The following ABCG1 variants were observed in gnomAD, a reference collection of about 807,000 sequenced individuals.
The protein encoded by ABCG1 is ATP-binding cassette sub-family G member 1.
ABCG1 carries 29 observed loss-of-function variants against 69.2 expected under a neutral mutation model. The observed-to-expected ratio is 0.42, with a 90% CI of 0.31 to 0.57. The LOEUF is 0.57. Among genes scored for constraint, ABCG1 ranks in the 20% least tolerant of loss-of-function variants. The pLI is 0.15. For synonymous variants in ABCG1, 370 were observed against 374.8 expected (o/e 0.99, Z 0.15); for missense variants, 718 against 898.1 (o/e 0.80, Z 2.56).
intron 1 of ABCG1, among the ~76,000 whole-genome samples, chr21:42,224,148 G>A (rs2067775826): frequency 6.6e-6 from 1 of 152,208 alleles, no homozygotes; most frequent in African/African-American, 2.4e-5. Flanking sequence ...TGGACACAGG[G>A]AACCAGACCT....
intron 2 of ABCG1, among the ~76,000 whole-genome samples, chr21:42,270,259 CAAAA>C (rs4006345): frequency 6.2e-4 from 54 of 87,174 alleles, no homozygotes; most frequent in African/African-American, 1.8e-3. Context: ...GACTCAGTCT[CAAAA>C]AAAAAAAAAA....
At chr21:42,232,739 T>C (rs1176295870) in intron 2 of ABCG1, among the ~76,000 whole-genome samples, 1 of 152,160 alleles carries the variant, frequency 6.6e-6, no homozygotes, top group Non-Finnish European at 1.5e-5. Flanking sequence ...ATGGAGGCCC[T>C]CCCTATAAAC....
rs1286613823 is a variant in ABCG1 at position 42,225,675 on chromosome 21, C to A, written c.47C>A (p.Ala16Asp). The change falls in exon 2 of 15, where the codon GCC becomes GAC. Residue 16 changes from alanine to aspartate, a missense_variant. Physicochemically the swap from Ala to Asp is moderately radical, Grantham distance 126 (BLOSUM62 -2). Coordinates refer to ENST00000398449, the MANE Select transcript of ABCG1 (RefSeq NM_016818.3). ...AAFSVGTAMN[A>D]SSYSAEMTEP... ...TGCTTCCTCTGGTTTTTCTAGAATGCCAGCAGTTACTCTGCAGAGATGACG... is the reference window on the plus strand; with the variant it reads ...TGCTTCCTCTGGTTTTTCTAGAATGACAGCAGTTACTCTGCAGAGATGACG... 6.2e-7 allele frequency: 1 copy of A among 1,611,646 alleles called. No individual in the cohort carries two copies. Among genetic ancestry groups the A allele is most frequent in the Non-Finnish European group, 8.5e-7 (1 of 1,179,634 alleles).
chr21:42,239,046 A>G (rs2068015160), intron 2 of ABCG1, among the ~76,000 whole-genome samples: 1 of 152,156 alleles, frequency 6.6e-6, no homozygotes, highest in Non-Finnish European at 1.5e-5. Context: ...CTTAGTTAAA[A>G]TTTTCTTTCT....
At chr21:42,241,146 C>T (rs1026783580) in intron 2 of ABCG1, among the ~76,000 whole-genome samples, 3 of 152,254 alleles carry the variant, frequency 2.0e-5, no homozygotes, top group Non-Finnish European at 4.4e-5. Flanking sequence ...GCACTGGCCA[C>T]GTTCAGACGT....
Position 42,222,375 on chromosome 21 carries a change from G to T in ABCG1, c.42+3071G>T, listed in dbSNP as rs1234259530. On this transcript the variant is annotated intron_variant, in intron 1 of 14. Transcript: ENST00000398449. ...CTGTTAGACGCTGTGGAGGAAAGGT[G>T]GTCAACTGTATGCATTGCTTTGCTG... Among the ~76,000 whole-genome samples, 5 of 152,170 alleles carry T rather than the reference G, an allele frequency of 3.3e-5. No individual in the cohort carries two copies. The South Asian group carries it at 8.3e-4, about 25-fold the overall frequency.
intron 1 of ABCG1, among the ~76,000 whole-genome samples, chr21:42,223,451 G>A (rs2067763252): frequency 1.3e-5 from 2 of 152,132 alleles, no homozygotes; most frequent in African/African-American, 4.8e-5. Flanking sequence ...CAAAATGAAA[G>A]AAGCAGATCA....
chr21:42,237,035 T>C (rs1213095886), intron 2 of ABCG1, among the ~76,000 whole-genome samples: 1 of 152,228 alleles, frequency 6.6e-6, no homozygotes, highest in Non-Finnish European at 1.5e-5. Context: ...TCCAGCCTTG[T>C]GCCTCTAGGC....
At chr21:42,251,231 A>G (rs2068216062) in intron 2 of ABCG1, among the ~76,000 whole-genome samples, 1 of 152,196 alleles carries the variant, frequency 6.6e-6, no homozygotes, top group Non-Finnish European at 1.5e-5. Context: ...GCTTGGAGGA[A>G]GGAGGTTTGC....
chr21:42,214,080 T>A (rs1427493982), upstream of ABCG1, among the ~76,000 whole-genome samples: 2 of 152,094 alleles, frequency 1.3e-5, no homozygotes, highest in Non-Finnish European at 2.9e-5. Flanking sequence ...GGGCCAGGGG[T>A]GGAATGCTAT....
chr21:42,202,520 C>T (rs981084080), intron 2 of ABCG1, among the ~76,000 whole-genome samples: 18 of 151,890 alleles, frequency 1.2e-4, no homozygotes, highest in South Asian at 2.1e-4. Flanking sequence ...GTTGAATGCA[C>T]GCCTCCCTCC....
At chr21:42,286,479 G>T (rs2068941965) in intron 8 of ABCG1, among the ~76,000 whole-genome samples, 2 of 152,032 alleles carry the variant, frequency 1.3e-5, no homozygotes, top group South Asian at 4.2e-4. Context: ...TTCCCAAATT[G>T]TGTTCCATGA....
In ABCG1 at chr21:42,296,174, G is replaced by C. The variant is rs768973015; in HGVS notation, c.1783G>C (p.Glu595Gln). The C allele has an allele frequency of 2.5e-6, 4 of 1,614,036 alleles. No individual in the cohort carries two copies. Among genetic ancestry groups the C allele is most frequent in the East Asian group, 2.2e-5 (1 of 44,866 alleles). The change falls in exon 15 of 15, where the codon GAA (glutamate) becomes CAA (glutamine). Residue 595 changes from glutamate to glutamine, a missense_variant. Glu to Gln is a conservative substitution (Grantham distance 29). Coordinates refer to ENST00000398449, the MANE Select transcript of ABCG1 (RefSeq NM_016818.3). This position sits in a 1 kb window ranked among gnomAD's most constrained non-coding sequence, Gnocchi z 5.4. ...GGCCTTTCCTCCTAGGTATGGGTTCGAAGGGGTCATCCTCTCCATCTATGG... is the reference window on the plus strand; with the variant it reads ...GGCCTTTCCTCCTAGGTATGGGTTCCAAGGGGTCATCCTCTCCATCTATGG... Reference protein sequence around the residue: ...SYISYVRYGFEGVILSIYGLD... With the variant: ...SYISYVRYGFQGVILSIYGLD...
chr21:42,296,282 G>T lies in ABCG1; in HGVS notation c.1891G>T (p.Val631Leu). 1 of 1,614,158 alleles carries T rather than the reference G, an allele frequency of 6.2e-7. No homozygotes were observed. The highest frequency in any genetic ancestry group is 8.5e-7 in the Non-Finnish European group (1 of 1,180,006). The change falls in exon 15 of 15, where the codon GTG (valine) becomes TTG (leucine). Residue 631 changes from valine (V) to leucine (L), a missense_variant. Val to Leu is a conservative substitution (Grantham distance 32, BLOSUM62 1). Transcript: ENST00000398449. This position sits in a 1 kb window ranked among gnomAD's most constrained non-coding sequence, Gnocchi z 5.4. ...KSEAILRELDVENAKLYLDFI... is the reference protein window; with the variant it reads ...KSEAILRELDLENAKLYLDFI... ...GGAGGCCATCCTGCGGGAGCTGGAC[G>T]TGGAAAATGCCAAGCTGTACCTGGA...
chr21:42,293,331 CCACACTA>C (rs2069124383), intron 13 of ABCG1, among the ~76,000 whole-genome samples: 1 of 141,802 alleles, frequency 7.1e-6, no homozygotes, highest in South Asian at 2.4e-4. Context: ...ACACTACACA[CCACACTA>C]CACACTACCC....
chr21:42,213,338 C>A (rs1033003878), upstream of ABCG1, among the ~76,000 whole-genome samples: 2 of 152,268 alleles, frequency 1.3e-5, no homozygotes, highest in Admixed American at 6.5e-5. Context: ...ATCAATAAAC[C>A]TTGGGCTTCT....
intron 13 of ABCG1, among the ~76,000 whole-genome samples, chr21:42,293,273 T>TGC (rs2069121325): frequency 1.3e-5 from 1 of 77,582 alleles, no homozygotes; most frequent in Non-Finnish European, 2.4e-5. Flanking sequence ...ACTACACACA[T>TGC]ACCACACTAC....
At chr21:42,290,576 A>G (rs910824662) in intron 11 of ABCG1, among the ~76,000 whole-genome samples, 37 of 152,214 alleles carry the variant, frequency 2.4e-4, no homozygotes, top group African/African-American at 6.8e-4. Flanking sequence ...TCGGGAGCAG[A>G]TAAGCTCTCT....
intron 2 of ABCG1, among the ~76,000 whole-genome samples, chr21:42,258,608 A>G (rs1030012255): frequency 2.0e-5 from 3 of 147,772 alleles, no homozygotes; most frequent in Non-Finnish European, 4.5e-5. Context: ...GGAAACACCC[A>G]TATCTCCATC....
Sources: allele counts gnomAD v4.1 joint callset (sites outside exome capture counted in the v4.1 genomes callset), GRCh38; gene constraint gnomAD v4.1.1; non-coding constraint Gnocchi (gnomAD v3.1); transcripts MANE v1.5; gene names NCBI Gene and HGNC (gene_info 2026-07-23, HGNC 2026-07-21).